MAD1L1: variants seen among roughly 807,000 people sequenced by gnomAD.
MAD1L1 encodes the protein mitotic spindle assembly checkpoint protein MAD1.
In MAD1L1, 95 loss-of-function variants were observed where a neutral mutation model predicts 96.9. The observed-to-expected ratio is 0.98, with a 90% CI of 0.83 to 1.16. The LOEUF (loss-of-function observed/expected upper bound fraction) is 1.16. Ranked by LOEUF, MAD1L1 falls within the 50% of genes most tolerant of loss-of-function variation. The probability of loss-of-function intolerance (pLI) is 0.00; values close to 1 mark genes in which losing one functional copy is unlikely to be tolerated. For missense variants in MAD1L1, 1,007 were observed against 954.4 expected (o/e 1.06, Z -0.73); for synonymous variants, 473 against 396.6 (o/e 1.19, Z -2.29).
intron 11 of MAD1L1, among the ~76,000 whole-genome samples, chr7:2,089,497 T>C (rs1018573387): frequency 6.6e-6 from 1 of 152,126 alleles, no homozygotes; most frequent in Admixed American, 6.5e-5. Flanking sequence ...TAAGTCCAAT[T>C]AAACCTTTTT....
chr7:1,948,882 C>T (rs1249908927), intron 16 of MAD1L1, among the ~76,000 whole-genome samples: 3 of 152,168 alleles, frequency 2.0e-5, no homozygotes, highest in Non-Finnish European at 2.9e-5. Flanking sequence ...TGACATCTGC[C>T]CCACCTGCCT....
chr7:2,085,215 C>T (rs902305926), intron 11 of MAD1L1, among the ~76,000 whole-genome samples: 1 of 152,244 alleles, frequency 6.6e-6, no homozygotes, highest in South Asian at 2.1e-4. Flanking sequence ...GCCACCATTC[C>T]AGGCAAAGCA....
At chr7:2,038,676 C>T (rs1260023835) in intron 12 of MAD1L1, among the ~76,000 whole-genome samples, 1 of 151,814 alleles carries the variant, frequency 6.6e-6, no homozygotes, top group Non-Finnish European at 1.5e-5. Context: ...CCACGCCTCA[C>T]TAATTTTTTG....
At chr7:1,990,243 G>T (rs1326535430) in intron 14 of MAD1L1, among the ~76,000 whole-genome samples, 1 of 152,194 alleles carries the variant, frequency 6.6e-6, no homozygotes, top group Non-Finnish European at 1.5e-5. Flanking sequence ...CACATCCCAG[G>T]GCTCCCTGGG....
intron 18 of MAD1L1, among the ~76,000 whole-genome samples, chr7:1,839,954 T>C (rs368862759): frequency 3.3e-5 from 5 of 152,204 alleles, no homozygotes; most frequent in African/African-American, 9.6e-5. Flanking sequence ...CCCCAATCCC[T>C]GCTGGAAGAC....
intron 18 of MAD1L1, among the ~76,000 whole-genome samples, chr7:1,826,771 G>C (rs544785804): frequency 2.0e-5 from 3 of 152,232 alleles, no homozygotes; most frequent in Non-Finnish European, 4.4e-5. Flanking sequence ...TGTCCGGCAC[G>C]GGGAAAATAG....
chr7:2,083,588 C>G (rs534475081), intron 11 of MAD1L1, among the ~76,000 whole-genome samples: 1 of 152,190 alleles, frequency 6.6e-6, no homozygotes, highest in Non-Finnish European at 1.5e-5. Context: ...GGCGGGCTGT[C>G]GGGAGACTCC....
chr7:1,966,830 C>T (rs893323036), intron 15 of MAD1L1, among the ~76,000 whole-genome samples: 1 of 152,232 alleles, frequency 6.6e-6, no homozygotes. Flanking sequence ...GGGCCGCGGG[C>T]CGCGCTGCGT....
At chr7:1,832,302 C>T (rs1782738177) in intron 18 of MAD1L1, among the ~76,000 whole-genome samples, 1 of 152,006 alleles carries the variant, frequency 6.6e-6, no homozygotes, top group Admixed American at 6.6e-5. Context: ...AGAAGCAGAG[C>T]CTGAAGATGT....
Position 1,825,176 on chromosome 7 carries a change from C to T in MAD1L1, c.1999-8948G>A, listed in dbSNP as rs185401941. On this transcript the variant is annotated intron_variant, in intron 18 of 18. Transcript: ENST00000265854. ...GCTTCAAGACAGGCCGCTGAGCACA[C>T]GGGTTCCCCACTGCGGACACATGCA... Among the ~76,000 whole-genome samples, 18 of 152,374 alleles carry T rather than the reference C, an allele frequency of 1.2e-4. No individual in the cohort carries two copies. In the East Asian group the frequency reaches 3.5e-3, roughly 29 times the overall value.
intron 12 of MAD1L1, among the ~76,000 whole-genome samples, chr7:2,065,193 T>G (rs1371989059): frequency 6.6e-6 from 1 of 152,222 alleles, no homozygotes; most frequent in Admixed American, 6.5e-5. Context: ...AACTGTTTCT[T>G]AAACAGCAGC....
intron 18 of MAD1L1, among the ~76,000 whole-genome samples, chr7:1,835,923 G>A (rs1223072642): frequency 2.0e-5 from 3 of 152,236 alleles, no homozygotes; most frequent in Non-Finnish European, 4.4e-5. Context: ...ACATTGCCAT[G>A]GCATTTGTAA....
intron 11 of MAD1L1, among the ~76,000 whole-genome samples, chr7:2,132,337 T>A (rs988741645): frequency 1.3e-5 from 2 of 152,196 alleles, no homozygotes; most frequent in African/African-American, 4.8e-5. Context: ...ATGTCTTACA[T>A]TCTCGGGTTT....
intron 18 of MAD1L1, among the ~76,000 whole-genome samples, chr7:1,837,563 G>A (rs1216476669): frequency 2.6e-5 from 4 of 152,242 alleles, no homozygotes; most frequent in Non-Finnish European, 5.9e-5. Context: ...GTCAACATCT[G>A]GATGGATGAA....
At chr7:2,148,049 T>C (rs1187248626) in intron 11 of MAD1L1, among the ~76,000 whole-genome samples, 2 of 152,252 alleles carry the variant, frequency 1.3e-5, no homozygotes, top group Admixed American at 1.3e-4. Context: ...GCCTGTTTCA[T>C]CTGACAGCGG....
intron 17 of MAD1L1, among the ~76,000 whole-genome samples, chr7:1,928,020 C>A (rs1433139146): frequency 6.6e-6 from 1 of 152,210 alleles, no homozygotes; most frequent in Non-Finnish European, 1.5e-5. Flanking sequence ...CAGTGGAGAG[C>A]CACCAGCTCG....
intron 10 of MAD1L1, among the ~76,000 whole-genome samples, chr7:2,208,658 C>G (rs921889572): frequency 6.6e-6 from 1 of 152,170 alleles, no homozygotes; most frequent in South Asian, 2.1e-4. Flanking sequence ...CCTGCACCCC[C>G]TTTCATTCTA....
intron 13 of MAD1L1, among the ~76,000 whole-genome samples, chr7:2,012,108 C>T (rs963729656): frequency 8.5e-5 from 13 of 152,230 alleles, no homozygotes; most frequent in African/African-American, 2.2e-4. Flanking sequence ...GGGCAAGGTC[C>T]GCAACATACA....
chr7:1,928,035 C>A (rs562490705), intron 17 of MAD1L1, among the ~76,000 whole-genome samples: 1 of 152,276 alleles, frequency 6.6e-6, no homozygotes, highest in Non-Finnish European at 1.5e-5. Flanking sequence ...AGCTCGTGCC[C>A]GAGGCCTTGG....
Sources: gnomAD v4.1 joint callset for allele counts (sites outside exome capture counted in the v4.1 genomes callset) on GRCh38, gnomAD v4.1.1 for gene constraint, MANE v1.5 for transcripts, NCBI Gene and HGNC (gene_info 2026-07-23, HGNC 2026-07-21) for gene names.